Variants in TTLL2 observed in about 807,000 individuals in gnomAD.
TTLL2 encodes tubulin tyrosine ligase like 2.
A neutral mutation model predicts 7.5 loss-of-function variants in TTLL2; 10 were observed. That is an observed-to-expected ratio of 1.33 (90% CI 0.82 to 2.25). TTLL2 has a LOEUF of 2.25. TTLL2 is among the 30% of genes most tolerant of loss of function. The probability of loss-of-function intolerance (pLI) is 0.00; values close to 1 mark genes in which losing one functional copy is unlikely to be tolerated. For missense variants in TTLL2, 733 were observed against 735.7 expected (o/e 1.00, Z 0.04); for synonymous variants, 284 against 280.3 (o/e 1.01, Z -0.13).
Position 167,339,092 on chromosome 6 carries a change from C to T in TTLL2, c.204+289C>T, listed in dbSNP as rs190793511. ...TCCTTCCTTTCTTGTAAAACCTTCA[C>T]GGAAAGTACAGCATCTGTCAAAATT... is the stretch of plus-strand genomic sequence containing the variant. On this transcript the variant is annotated intron_variant, in intron 2 of 2. Transcript: ENST00000239587. Among the ~76,000 whole-genome samples the T allele has an allele frequency of 8.2e-4, 124 of 151,560 alleles. 2 individuals are homozygous for T. Among genetic ancestry groups the T allele is most frequent in the African/African-American group, 2.8e-3 (114 of 41,270 alleles).
chr6:167,334,401 G>GA (rs1187597395), intron 1 of TTLL2, among the ~76,000 whole-genome samples: 2 of 148,252 alleles, frequency 1.3e-5, no homozygotes, highest in South Asian at 2.1e-4. Flanking sequence ...GTGTGGTGCT[G>GA]AAAAAAAATG....
In TTLL2 at chr6:167,340,235, A is replaced by G. The variant is rs1183369865; in HGVS notation, c.335A>G (p.Asp112Gly). 6.2e-7 allele frequency: 1 copy of G among 1,614,094 alleles called. No homozygotes were observed. Among genetic ancestry groups the G allele is most frequent in the African/African-American group, 1.3e-5 (1 of 74,990 alleles). Residue 112 changes from aspartate to glycine, a missense_variant, in exon 3 of 3, where the codon GAT becomes GGT. By Grantham distance (94) the Asp-to-Gly change is moderately conservative. Coordinates refer to ENST00000239587, the MANE Select transcript of TTLL2 (RefSeq NM_031949.5). Reference protein sequence around the residue: ...VLLERGWNKFDKQEQNAEDWN... With the variant: ...VLLERGWNKFGKQEQNAEDWN... The stretch of plus-strand genomic sequence containing the variant: ...CTGGAGAGGGGGTGGAATAAGTTTG[A>G]TAAGCAGGAGCAGAACGCGGAGGAC...
At chr6:167,332,016 T>C (rs1040229997) in intron 1 of TTLL2, among the ~76,000 whole-genome samples, 1 of 152,222 alleles carries the variant, frequency 6.6e-6, no homozygotes, top group Admixed American at 6.5e-5. Flanking sequence ...TGAAGTTTTT[T>C]TTTAACAATA....
In TTLL2 at chr6:167,338,352, AAC is replaced by A. The variant is rs1388864373; in HGVS notation, c.48-289_48-288del. On this transcript the variant is annotated intron_variant, in intron 1 of 2. Transcript: ENST00000239587. Reference sequence around the variant, plus strand: ...TATGCAACACACAATACACTCACACAACACACAACATACAGACAACACATACC... The same window carrying A: ...TATGCAACACACAATACACTCACACAACACAACATACAGACAACACATACC... Among the ~76,000 whole-genome samples the A allele has an allele frequency of 4.0e-5, 6 of 148,664 alleles. No individual in the cohort carries two copies. In the South Asian group the frequency reaches 6.2e-4, roughly 15 times the overall value.
intron 2 of TTLL2, 139 bp from the exon 3 acceptor site, chr6:167,339,965 TG>T: frequency 1.2e-6 from 1 of 820,496 alleles, no homozygotes; most frequent in Non-Finnish European, 1.9e-6. Flanking sequence ...TGAAGAGACG[TG>T]GGTGTCCGGT....
chr6:167,331,799 C>G (rs1189627288), intron 1 of TTLL2, among the ~76,000 whole-genome samples: 1 of 152,160 alleles, frequency 6.6e-6, no homozygotes, highest in East Asian at 1.9e-4. Flanking sequence ...AAACTGTGTT[C>G]AAATAAGGCA....
chr6:167,338,235 C>T (rs1396044019), intron 1 of TTLL2, among the ~76,000 whole-genome samples: 1 of 151,918 alleles, frequency 6.6e-6, no homozygotes, highest in Non-Finnish European at 1.5e-5. Flanking sequence ...ACACACAACA[C>T]AAGCAACACA....
intron 1 of TTLL2, among the ~76,000 whole-genome samples, chr6:167,327,153 G>A (rs923675396): frequency 6.6e-6 from 1 of 152,154 alleles, no homozygotes; most frequent in Admixed American, 6.5e-5. Context: ...AGGAACAGTC[G>A]CTTAGCATTC....
At chr6:167,328,277 A>G in intron 1 of TTLL2, 2 of 359,118 alleles carry the variant, frequency 5.6e-6, no homozygotes, top group South Asian at 4.3e-5. Context: ...CTTCTGGGCA[A>G]ATCAGTGGGC....
intron 1 of TTLL2, among the ~76,000 whole-genome samples, chr6:167,332,447 CT>C (rs139934240): frequency 0.021 from 3,219 of 152,184 alleles, 128 homozygotes; most frequent in African/African-American, 0.074. Context: ...TTAATATGAA[CT>C]TTAAAGTAGT....
Position 167,340,597 on chromosome 6 carries a change from T to C in TTLL2, c.697T>C (p.Phe233Leu). The C allele has an allele frequency of 6.2e-7, 1 of 1,614,248 alleles. No homozygotes were observed. Among genetic ancestry groups the C allele is most frequent in the Non-Finnish European group, 8.5e-7 (1 of 1,180,050 alleles). ...TTTCAGTGACTTTAAAGACTTCATC[T>C]TTGATGATATGTACATAGTGCAGAA... The part of the protein sequence containing the change: ...LIFSDFKDFI[F>L]DDMYIVQKYI... Residue 233 changes from phenylalanine to leucine, a missense_variant, in exon 3 of 3, where the codon TTT becomes CTT. Transcript: ENST00000239587.
chr6:167,336,626 C>T (rs1046114445), intron 1 of TTLL2, among the ~76,000 whole-genome samples: 6 of 152,060 alleles, frequency 3.9e-5, no homozygotes, highest in African/African-American at 7.2e-5. Flanking sequence ...ACCATAGGGA[C>T]GAGAGTCCCT....
Position 167,341,018 on chromosome 6 carries a change from A to G in TTLL2, c.1118A>G (p.Asp373Gly). 1 of 1,614,056 alleles carries G rather than the reference A, an allele frequency of 6.2e-7. No individual in the cohort carries two copies. Among genetic ancestry groups the G allele is most frequent in the Non-Finnish European group, 8.5e-7 (1 of 1,180,008 alleles). ...AATTGCTTTGAGCTCTTTGGGTTTG[A>G]TATTTTGATTGATGACAACTTGAAA... ...AANCFELFGF[D>G]ILIDDNLKPW... The change falls in exon 3 of 3, where the codon GAT becomes GGT. Residue 373 changes from aspartate to glycine, a missense_variant. By Grantham distance (94) the Asp-to-Gly change is moderately conservative. Transcript: ENST00000239587.
chr6:167,340,718 A>T lies in TTLL2; in HGVS notation c.818A>T (p.Tyr273Phe). ...TTTAAGCCTTTGACCATTTATGTTT[A>T]TCAGGAAGGGTTGGTTCGGTTTGCC... ...TGFKPLTIYVYQEGLVRFATE... is the reference protein window; with the variant it reads ...TGFKPLTIYVFQEGLVRFATE... Residue 273 changes from tyrosine to phenylalanine, a missense_variant, in exon 3 of 3, where the codon TAT becomes TTT. Coordinates refer to ENST00000239587, the MANE Select transcript of TTLL2 (RefSeq NM_031949.5). 3 of 1,614,190 alleles carry T rather than the reference A, an allele frequency of 1.9e-6. No homozygotes were observed. In the South Asian group the frequency reaches 3.3e-5, roughly 18 times the overall value.
In TTLL2 at chr6:167,338,750, G is replaced by C. The variant is rs764240119; in HGVS notation, c.151G>C (p.Gly51Arg). ...AGLGARLQEA[G>R]VSIPPRRGRP... ...CCTGGGAGCAAGGCTACAGGAAGCAGGTGTTTCCATCCCTCCCAGGCGAGG... is the reference window on the plus strand; with the variant it reads ...CCTGGGAGCAAGGCTACAGGAAGCACGTGTTTCCATCCCTCCCAGGCGAGG... The change falls in exon 2 of 3, where the codon GGT (glycine) becomes CGT (arginine). Residue 51 changes from glycine to arginine, a missense_variant. By Grantham distance (125) the Gly-to-Arg change is moderately radical (BLOSUM62 -2). Transcript: ENST00000239587. The C allele has an allele frequency of 3.1e-6, 5 of 1,613,868 alleles. No homozygotes were observed. The African/African-American group carries it at 4.0e-5, about 13-fold the overall frequency.
At chr6:167,339,470 T>G (rs1433159542) in intron 2 of TTLL2, among the ~76,000 whole-genome samples, 1 of 152,218 alleles carries the variant, frequency 6.6e-6, no homozygotes, top group Non-Finnish European at 1.5e-5. Flanking sequence ...TTATTTTTAC[T>G]GAATAGGTTT....
At chr6:167,329,122 G>A (rs1778886173) in intron 1 of TTLL2, among the ~76,000 whole-genome samples, 1 of 152,052 alleles carries the variant, frequency 6.6e-6, no homozygotes, top group South Asian at 2.1e-4. Flanking sequence ...CCCCAACCTC[G>A]TTAAGGACCT....
rs1388446629 is a variant in TTLL2 at position 167,341,330 on chromosome 6, G to C, written c.1430G>C (p.Ser477Thr). 3 of 1,613,842 alleles carry C rather than the reference G, an allele frequency of 1.9e-6. No homozygotes were observed. In the South Asian group the frequency reaches 3.3e-5, roughly 18 times the overall value. Residue 477 changes from serine (S) to threonine (T), a missense_variant, in exon 3 of 3, where the codon AGT (serine) becomes ACT (threonine). Ser to Thr is a moderately conservative substitution (Grantham distance 58). Transcript: ENST00000239587. Reference sequence around the variant, plus strand: ...GACTCTGTGGTGGAGAAAGCTGTGAGTGTGCGTCCTGAAGCTGCACCTGCC... The same window carrying C: ...GACTCTGTGGTGGAGAAAGCTGTGACTGTGCGTCCTGAAGCTGCACCTGCC... ...EDDSVVEKAVSVRPEAAPASQ... is the reference protein window; with the variant it reads ...EDDSVVEKAVTVRPEAAPASQ...
intron 1 of TTLL2, among the ~76,000 whole-genome samples, chr6:167,336,448 A>G (rs541604916): frequency 6.6e-6 from 1 of 152,188 alleles, no homozygotes; most frequent in East Asian, 1.9e-4. Context: ...GGTATTAATA[A>G]TATACTATTT....
Sources: gnomAD v4.1 joint callset for allele counts (sites outside exome capture counted in the v4.1 genomes callset) on GRCh38, gnomAD v4.1.1 for gene constraint, MANE v1.5 for transcripts, NCBI Gene and HGNC (gene_info 2026-07-23, HGNC 2026-07-21) for gene names.